Variants in TMPRSS3 observed in about 807,000 individuals in gnomAD.
TMPRSS3 encodes the protein transmembrane protease serine 3.
A neutral mutation model predicts 59.6 loss-of-function variants in TMPRSS3; 55 were observed. That is an observed-to-expected ratio of 0.92 (90% CI 0.74 to 1.16). TMPRSS3 has a LOEUF of 1.16. Among genes scored for constraint, TMPRSS3 ranks in the 50% most tolerant of loss-of-function variants. TMPRSS3 has a pLI of 0.00. For missense variants in TMPRSS3, 596 were observed against 579.4 expected (o/e 1.03, Z -0.29); for synonymous variants, 257 against 237.7 (o/e 1.08, Z -0.75).
In TMPRSS3 at chr21:42,384,111, C is replaced by A. The variant is rs1244519287; in HGVS notation, c.573-98G>T. On this transcript the variant is annotated intron_variant, in intron 6 of 12. Coordinates refer to ENST00000644384, the MANE Select transcript of TMPRSS3 (RefSeq NM_001256317.3). ...TCTTAGGGTAACAGAAAAATAAATTCTATTTCCCCCTCTTTGAATATAGAT... is the reference window on the plus strand; with the variant it reads ...TCTTAGGGTAACAGAAAAATAAATTATATTTCCCCCTCTTTGAATATAGAT... The A allele has an allele frequency of 6.3e-6, 7 of 1,105,592 alleles. No homozygotes were observed. The East Asian group carries it at 7.7e-5, about 12-fold the overall frequency. 68.5% of individuals were successfully genotyped at this position (1,105,592 alleles called of 1,614,324 possible).
At position 42,385,523 on chromosome 21, in the gene TMPRSS3, G is replaced by C. The variant is rs909821850; in HGVS notation, c.458C>G (p.Ser153Ter). 6 of 1,614,012 alleles carry C rather than the reference G, an allele frequency of 3.7e-6. No individual in the cohort carries two copies. The highest frequency in any genetic ancestry group is 1.7e-5 in the Admixed American group (1 of 60,008). The stretch of plus-strand genomic sequence containing the variant: ...CAGCGAGCTCACTCTGAGGTTATCT[G>C]AACTCACATAGCTGCAAGCACATTG... ...AQLGFPSYVS[S>*]DNLRVSSLEG... The change falls in exon 6 of 13, where the codon TCA becomes TGA. Residue 153 changes from serine to a stop codon, truncating the protein, a stop_gained. Transcript: ENST00000644384. LOFTEE classifies it high-confidence loss of function.
At chr21:42,386,677 T>C (rs558581768) in intron 5 of TMPRSS3, among the ~76,000 whole-genome samples, 1 of 152,352 alleles carries the variant, frequency 6.6e-6, no homozygotes, top group East Asian at 1.9e-4. Flanking sequence ...TTATCATCCC[T>C]CTTTTCTAAG....
In TMPRSS3 at chr21:42,388,444, A is replaced by T. The variant is rs766427297; in HGVS notation, c.405T>A (p.Gly135=). 1 of 1,614,128 alleles carries T rather than the reference A, an allele frequency of 6.2e-7. No homozygotes were observed. The highest frequency in any genetic ancestry group is 8.5e-7 in the Non-Finnish European group (1 of 1,180,016). The change falls in exon 5 of 13, where the codon GGT becomes GGA. Residue 135 remains glycine (G), a synonymous_variant. Transcript: ENST00000644384. The surrounding 1 kb of genome is among the most constrained non-coding windows in gnomAD (Gnocchi z 5.1). ...WKTMCSDDWK[G]HYANVACAQL... The stretch of plus-strand genomic sequence containing the variant: ...GGGCACAGGCAACATTTGCGTAGTG[A>T]CCCTTCCAGTCATCGGAGCACATGG...
At chr21:42,383,835 G>A in intron 7 of TMPRSS3, 135 bp downstream of exon 7, 2 of 894,378 alleles carry the variant, frequency 2.2e-6, no homozygotes. Flanking sequence ...GCAGGTAGGG[G>A]TACACAGAGT....
intron 10 of TMPRSS3, among the ~76,000 whole-genome samples, chr21:42,379,174 C>T (rs895243092): frequency 6.6e-6 from 1 of 151,998 alleles, no homozygotes; most frequent in Admixed American, 6.5e-5. Flanking sequence ...GCATGAACCA[C>T]TGCACCCGGC....
chr21:42,388,144 G>A lies in TMPRSS3; in HGVS notation c.446+259C>T, dbSNP rs763072497. 8.5e-5 allele frequency among the ~76,000 whole-genome samples: 13 copies of A among 152,122 alleles called. No individual in the cohort carries two copies. Among genetic ancestry groups the A allele is most frequent in the South Asian group, 2.1e-4 (1 of 4,820 alleles). ...CTTTGAAACTTTTTATTGCATGTTC[G>A]TATCTCCGATCCTGGCCTGGCCCTG... On this transcript the variant is annotated intron_variant, in intron 5 of 12. Coordinates refer to ENST00000644384, the MANE Select transcript of TMPRSS3 (RefSeq NM_001256317.3). This position sits in a 1 kb window ranked among gnomAD's most constrained non-coding sequence, Gnocchi z 5.1.
chr21:42,380,838 C>T (rs754325177), intron 9 of TMPRSS3, among the ~76,000 whole-genome samples: 7 of 152,214 alleles, frequency 4.6e-5, no homozygotes, highest in Admixed American at 1.3e-4. Context: ...TGAGGTTCCC[C>T]GAGCTTTTCT....
intron 2 of TMPRSS3, among the ~76,000 whole-genome samples, chr21:42,390,633 C>T (rs1320348599): frequency 6.6e-6 from 1 of 152,188 alleles, no homozygotes. Context: ...GAGGCTGAGG[C>T]ATGAGAATCG....
chr21:42,394,485 A>T (rs1196715681), intron 2 of TMPRSS3, among the ~76,000 whole-genome samples: 1 of 151,840 alleles, frequency 6.6e-6, no homozygotes, highest in Non-Finnish European at 1.5e-5. Flanking sequence ...TGATTGCAAG[A>T]TTTTTTTTTC....
chr21:42,378,460 G>A lies in TMPRSS3; in HGVS notation c.1048+1657C>T, dbSNP rs762150359. On this transcript the variant is annotated intron_variant, in intron 10 of 12. Transcript: ENST00000644384. ...GAATCTCAACATAAGATCTCCCAGC[G>A]TTTAGGGTGGACCCTAAATCCAACG... Among the ~76,000 whole-genome samples the A allele has an allele frequency of 1.7e-4, 26 of 152,286 alleles. 1 individual carries two copies. The highest frequency in any genetic ancestry group is 3.4e-3 in the Middle Eastern group (1 of 294).
chr21:42,373,563 T>C (rs1264158050), intron 12 of TMPRSS3, among the ~76,000 whole-genome samples: 1 of 152,146 alleles, frequency 6.6e-6, no homozygotes, highest in Admixed American at 6.5e-5. Flanking sequence ...ACCCCAGACC[T>C]CCCAATCAGA....
intron 2 of TMPRSS3, among the ~76,000 whole-genome samples, chr21:42,393,261 A>C (rs2052757501): frequency 6.6e-6 from 1 of 152,208 alleles, no homozygotes; most frequent in Non-Finnish European, 1.5e-5. Context: ...AAGAAAAAAA[A>C]AAAGCTTTCA....
intron 9 of TMPRSS3, chr21:42,381,764 C>T (rs911567186): frequency 1.9e-6 from 1 of 519,820 alleles, no homozygotes; most frequent in Non-Finnish European, 3.5e-6. Flanking sequence ...CCAGGATCTA[C>T]AAACTACATT....
chr21:42,389,859 G>A (rs778134345), intron 3 of TMPRSS3, 68 bp downstream of exon 3: 17 of 1,175,152 alleles, frequency 1.4e-5, no homozygotes, highest in Non-Finnish European at 1.9e-5. Context: ...GATGAGAGGG[G>A]GCGCTCATGA....
Position 42,388,818 on chromosome 21 carries a change from A to C in TMPRSS3, c.322+111T>G, listed in dbSNP as rs186531. The C allele has an allele frequency of 9.2e-7, 1 of 1,081,870 alleles. No individual in the cohort carries two copies. The highest frequency in any genetic ancestry group is 1.4e-6 in the Non-Finnish European group (1 of 703,420). 67.0% of individuals were successfully genotyped at this position (1,081,870 alleles called of 1,614,324 possible). On this transcript the variant is annotated intron_variant, in intron 4 of 12. Transcript: ENST00000644384. The surrounding 1 kb of genome is among the most constrained non-coding windows in gnomAD (Gnocchi z 5.1). The stretch of plus-strand genomic sequence containing the variant: ...CAAACGCCAGTTCAATCCCAGCTGA[A>C]GACATGACCTAAAAATGGCAATGAC...
intron 9 of TMPRSS3, chr21:42,381,844 T>C (rs1440934061): frequency 1.2e-5 from 8 of 691,526 alleles, no homozygotes; most frequent in African/African-American, 3.5e-5. Context: ...TTGTCCAGGA[T>C]ACAATTGAAA....
intron 8 of TMPRSS3, 76 bp downstream of exon 8, chr21:42,382,957 C>T: frequency 6.3e-7 from 1 of 1,587,296 alleles, no homozygotes; most frequent in Non-Finnish European, 8.6e-7. Flanking sequence ...ACCCGCTTCT[C>T]ACCACCCAAA....
intron 2 of TMPRSS3, among the ~76,000 whole-genome samples, 174 bp downstream of exon 2, chr21:42,395,150 T>C (rs546990847): frequency 6.6e-6 from 1 of 152,230 alleles, no homozygotes; most frequent in East Asian, 1.9e-4. Context: ...AACGATCCCC[T>C]CTCCAATGCC....
At chr21:42,380,482 G>A (rs1489266732) in intron 9 of TMPRSS3, among the ~76,000 whole-genome samples, 2 of 152,214 alleles carry the variant, frequency 1.3e-5, no homozygotes, top group Admixed American at 1.3e-4. Flanking sequence ...GGAAAGGGCT[G>A]AATAGTCAAT....
Sources: allele counts gnomAD v4.1 joint callset (sites outside exome capture counted in the v4.1 genomes callset), GRCh38; gene constraint gnomAD v4.1.1; non-coding constraint Gnocchi (gnomAD v3.1); transcripts MANE v1.5; gene names NCBI Gene and HGNC (gene_info 2026-07-23, HGNC 2026-07-21).